NCBP2L: variants seen among roughly 807,000 people sequenced by gnomAD.
The protein encoded by NCBP2L is nuclear cap-binding protein subunit 2-like.
For synonymous variants in NCBP2L, 39 were observed against 19.2 expected, an observed-to-expected ratio of 2.04 and a Z score of -2.70; for missense variants, 95 against 53.1, an observed-to-expected ratio of 1.79 and a Z score of -2.45.
At chrX:107,781,692 C>CTCTCTCTCTCTCTATATA (rs1395038482) in intron 1 of NCBP2L, among the ~76,000 whole-genome samples, 31 of 66,905 alleles carry the variant, frequency 4.6e-4, no homozygotes, top group African/African-American at 1.6e-3. Flanking sequence ...CTCTCTCTCT[C>CTCTCTCTCTCTCTATATA]TATATATATA....
At chrX:107,785,742 C>T (rs913107752) in intron 1 of NCBP2L, among the ~76,000 whole-genome samples, 19 of 110,867 alleles carry the variant, frequency 1.7e-4, no homozygotes, top group South Asian at 1.5e-3. Flanking sequence ...CCTGGGAAGA[C>T]GGAAATTAAA....
intron 1 of NCBP2L, among the ~76,000 whole-genome samples, chrX:107,792,670 C>A (rs1025923948): frequency 2.7e-5 from 3 of 111,722 alleles, no homozygotes; most frequent in Non-Finnish European, 5.6e-5. Context: ...ATTCCCTAAA[C>A]TCCTACACCC....
intron 1 of NCBP2L, 24 bp from the exon 2 acceptor site, chrX:107,794,125 C>T (rs943441876): frequency 2.2e-6 from 1 of 455,121 alleles, no homozygotes; most frequent in African/African-American, 2.5e-5. Context: ...TTTTGACTTC[C>T]CTCTTTTTTT....
intron 1 of NCBP2L, among the ~76,000 whole-genome samples, chrX:107,786,611 A>G (rs184619540): frequency 1.3e-4 from 15 of 111,310 alleles, no homozygotes; most frequent in African/African-American, 4.9e-4. Context: ...AATAATAATG[A>G]CTACCACATA....
chrX:107,782,224 TATATATATATAAATATATATATATAA>T (rs1930310779), intron 1 of NCBP2L, among the ~76,000 whole-genome samples: 5 of 15,899 alleles, frequency 3.1e-4, no homozygotes, highest in East Asian at 2.0e-3. Context: ...TATATATAAA[TATATATATATAAATATATATATATAA>T]ATATATATAT....
intron 1 of NCBP2L, among the ~76,000 whole-genome samples, chrX:107,783,952 T>C (rs980651609): frequency 1.5e-4 from 16 of 108,887 alleles, no homozygotes; most frequent in Non-Finnish European, 3.8e-5. Context: ...AGGATTGTCA[T>C]GGAATGAAGC....
chrX:107,783,373 T>TTTTTTTA (rs1261508915), intron 1 of NCBP2L, among the ~76,000 whole-genome samples: 2 of 89,996 alleles, frequency 2.2e-5, no homozygotes, highest in Non-Finnish European at 2.2e-5. Context: ...TTTTTTTTTT[T>TTTTTTTA]TTTTTTATTT....
intron 1 of NCBP2L, among the ~76,000 whole-genome samples, chrX:107,784,655 G>A (rs1930371779): frequency 9.2e-6 from 1 of 108,996 alleles, no homozygotes; most frequent in Non-Finnish European, 1.9e-5. Context: ...CTCAAGTTGT[G>A]GTCTCCACAA....
chrX:107,784,502 CAT>C lies in NCBP2L; in HGVS notation c.-73+6645_-73+6646del, dbSNP rs767253905. Among the ~76,000 whole-genome samples, 336 of 110,337 alleles carry C rather than the reference CAT, an allele frequency of 3.0e-3. 2 individuals are homozygous for C. The highest frequency in any genetic ancestry group is 0.01 in the African/African-American group (318 of 30,295). ...TATTTATATATGTAATATGAAATTA[CAT>C]GTTACACATTACATTTTTTCAGATA... On this transcript the variant is annotated intron_variant, in intron 1 of 1. Transcript: ENST00000509000.
rs1173429207 is a variant in NCBP2L, at chrX:107,795,664, G to A, written c.*982G>A. 9.0e-6 allele frequency: 1 copy of A among 111,690 alleles called. No homozygotes were observed. The highest frequency in any genetic ancestry group is 1.9e-5 in the Non-Finnish European group (1 of 53,158). 9.2% of individuals were successfully genotyped at this position (111,690 alleles called of 1,213,427 possible). ...GGTTGTGCTATGCTATATTTGAGAG[G>A]TTAGATGTATTAAATGCATTTTCAA... On this transcript the variant is annotated 3_prime_UTR_variant, in exon 2 of 2. Transcript: ENST00000509000.
At position 107,794,373 on chromosome X, in the gene NCBP2L, C is replaced by G. The variant is rs752509605; in HGVS notation, c.153C>G (p.Thr51=). ...TGGGGAATCTTTCCTTTTATACAACCGAAGAGAAAATACATGAACTCTTTA... is the reference window on the plus strand; with the variant it reads ...TGGGGAATCTTTCCTTTTATACAACGGAAGAGAAAATACATGAACTCTTTA... ...LNMGNLSFYT[T]EEKIHELFSR... Residue 51 remains threonine (T), a synonymous_variant, in exon 2 of 2, where the codon ACC becomes ACG. Transcript: ENST00000509000. The G allele has an allele frequency of 1.8e-6, 1 of 568,463 alleles. No homozygotes were observed. Among genetic ancestry groups the G allele is most frequent in the African/African-American group, 2.2e-5 (1 of 44,836 alleles). 46.8% of individuals were successfully genotyped at this position (568,463 alleles called of 1,213,427 possible). A position where few individuals can be genotyped will look rare whatever the true frequency, so the allele number is the denominator to read the frequency against.
chrX:107,787,295 A>G (rs1930400921), intron 1 of NCBP2L, among the ~76,000 whole-genome samples: 1 of 112,312 alleles, frequency 8.9e-6, no homozygotes, highest in African/African-American at 3.2e-5. Flanking sequence ...ATCAGCTTCT[A>G]CACTAAACAG....
At chrX:107,783,465 CG>C (rs1183328218) in intron 1 of NCBP2L, among the ~76,000 whole-genome samples, 1 of 107,086 alleles carries the variant, frequency 9.3e-6, no homozygotes, top group Non-Finnish European at 1.9e-5. Flanking sequence ...TTCTGCCTCC[CG>C]GATTCAAGCG....
In NCBP2L at chrX:107,782,242, TATATATAA is replaced by T. The variant is rs1426299203; in HGVS notation, c.-73+4392_-73+4399del. Among the ~76,000 whole-genome samples, 21 of 19,834 alleles carry T rather than the reference TATATATAA, an allele frequency of 1.1e-3. 3 individuals carry two copies. Among genetic ancestry groups the T allele is most frequent in the African/African-American group, 9.3e-3 (20 of 2,143 alleles). The allele number at this position is 19,834 out of a possible 115,157, so 17.2% of individuals were successfully genotyped here. On this transcript the variant is annotated intron_variant, in intron 1 of 1. Coordinates refer to ENST00000509000, the MANE Select transcript of NCBP2L (RefSeq NM_001348372.2). ...ATATAAATATATATATATAAATATATATATATAAATATATATATAAATATATATATATA... is the reference window on the plus strand; with the variant it reads ...ATATAAATATATATATATAAATATATATATATATATAAATATATATATATA...
chrX:107,781,831 G>GATCTAT (rs1264531000), intron 1 of NCBP2L, among the ~76,000 whole-genome samples: 1 of 35,351 alleles, frequency 2.8e-5, no homozygotes. Context: ...TATATATAGA[G>GATCTAT]AGATATATAT....
chrX:107,781,651 C>CATCTATCATCTATCT (rs1930273530), intron 1 of NCBP2L, among the ~76,000 whole-genome samples: 1 of 65,221 alleles, frequency 1.5e-5, no homozygotes, highest in Non-Finnish European at 2.6e-5. Context: ...ATCTATCTAT[C>CATCTATCATCTATCT]ATCTATCTAT....
At chrX:107,778,255 T>C (rs1245625365) in intron 1 of NCBP2L, among the ~76,000 whole-genome samples, 1 of 112,125 alleles carries the variant, frequency 8.9e-6, no homozygotes, top group Admixed American at 9.5e-5. Flanking sequence ...TTTGCCTGAG[T>C]CCTTTTATCT....
At chrX:107,792,403 G>T (rs1297236553) in intron 1 of NCBP2L, among the ~76,000 whole-genome samples, 1 of 109,137 alleles carries the variant, frequency 9.2e-6, no homozygotes, top group Non-Finnish European at 1.9e-5. Context: ...GGGGCAATTT[G>T]TCAATGACTT....
rs186454918 is a variant in NCBP2L, at chrX:107,792,022, G to A, written c.-72-2127G>A. Among the ~76,000 whole-genome samples the A allele has an allele frequency of 1.4e-4, 16 of 112,135 alleles. No homozygotes were observed. The East Asian group carries it at 4.2e-3, about 30-fold the overall frequency. ...TAGCTCAAGGCAGCCCATTGTCTTT[G>A]GACTGCTCTGACCATTTTAAAAGCT... On this transcript the variant is annotated intron_variant, in intron 1 of 1. Transcript: ENST00000509000.
Sources: gnomAD v4.1 joint callset for allele counts (sites outside exome capture counted in the v4.1 genomes callset) on GRCh38, gnomAD v4.1.1 for gene constraint, MANE v1.5 for transcripts, NCBI Gene and HGNC (gene_info 2026-07-23, HGNC 2026-07-21) for gene names.